The following DCUN1D3 variants were observed in gnomAD, a reference collection of about 807,000 sequenced individuals.
The protein encoded by DCUN1D3 is defective in cullin neddylation 1 domain containing 3, also known as DCN1-like protein 3.
DCUN1D3 carries 6 observed loss-of-function variants against 24.8 expected under a neutral mutation model. That is an observed-to-expected ratio of 0.24 (90% CI 0.13 to 0.48). The LOEUF is 0.48. Ranked by LOEUF, DCUN1D3 falls within the 20% of genes least tolerant of loss-of-function variation. DCUN1D3 has a pLI of 0.99. For synonymous variants in DCUN1D3, 120 were observed against 144.9 expected (o/e 0.83, Z 1.24); for missense variants, 258 against 379.4 (o/e 0.68, Z 2.66).
intron 1 of DCUN1D3, among the ~76,000 whole-genome samples, chr16:20,880,408 T>A (rs1340426841): frequency 6.6e-6 from 1 of 151,930 alleles, no homozygotes; most frequent in Non-Finnish European, 1.5e-5. Context: ...GAGACCAGCT[T>A]GGGCAACATA....
rs189390151 is a variant in DCUN1D3 at position 20,872,937 on chromosome 16, G to A, written c.-105-10294C>T. ...TCAAGACCAGCCTGGCCAACATGGTGAAACCCCGTCTCTACTAAAAATACA... is the reference window on the plus strand; with the variant it reads ...TCAAGACCAGCCTGGCCAACATGGTAAAACCCCGTCTCTACTAAAAATACA... On this transcript the variant is annotated intron_variant, in intron 1 of 2. Coordinates refer to ENST00000324344, the MANE Select transcript of DCUN1D3 (RefSeq NM_173475.4). Among the ~76,000 whole-genome samples the A allele has an allele frequency of 1.1e-4, 17 of 152,308 alleles. No individual in the cohort carries two copies. The East Asian group carries it at 3.1e-3, about 28-fold the overall frequency.
At chr16:20,888,527 C>T (rs1248727530) in intron 1 of DCUN1D3, among the ~76,000 whole-genome samples, 2 of 152,190 alleles carry the variant, frequency 1.3e-5, no homozygotes, top group African/African-American at 4.8e-5. Context: ...GACACGATCA[C>T]AGCTCACTAC....
chr16:20,885,010 T>C (rs2152518366), intron 1 of DCUN1D3, among the ~76,000 whole-genome samples: 1 of 146,556 alleles, frequency 6.8e-6, no homozygotes, highest in Middle Eastern at 3.5e-3. Flanking sequence ...GGAGTCTGGC[T>C]CTGTCACCAG....
At chr16:20,886,293 G>C (rs183812388) in intron 1 of DCUN1D3, among the ~76,000 whole-genome samples, 1 of 152,140 alleles carries the variant, frequency 6.6e-6, no homozygotes, top group Non-Finnish European at 1.5e-5. Flanking sequence ...TGAATAAGGT[G>C]TGGCGCTGCA....
At chr16:20,878,357 G>A (rs141281019) in intron 1 of DCUN1D3, among the ~76,000 whole-genome samples, 36 of 152,292 alleles carry the variant, frequency 2.4e-4, no homozygotes, top group African/African-American at 8.7e-4. Flanking sequence ...TGTTCAACCT[G>A]TCATGTCTCT....
chr16:20,873,923 C>A (rs2081801945), intron 1 of DCUN1D3, among the ~76,000 whole-genome samples: 2 of 152,162 alleles, frequency 1.3e-5, no homozygotes, highest in South Asian at 2.1e-4. Flanking sequence ...AATGAAATCA[C>A]CAAGTGGAAA....
At chr16:20,881,462 C>T (rs979017353) in intron 1 of DCUN1D3, among the ~76,000 whole-genome samples, 1 of 152,138 alleles carries the variant, frequency 6.6e-6, no homozygotes, top group Admixed American at 6.5e-5. Context: ...CTGATTTGCA[C>T]TATTTGTTTT....
chr16:20,868,977 A>T (rs1474610726), intron 1 of DCUN1D3: 1 of 152,852 alleles, frequency 6.5e-6, no homozygotes, highest in Non-Finnish European at 1.5e-5. Flanking sequence ...GTCTCAGCCC[A>T]GCTGCTCTGC....
rs1299758319 is a variant in DCUN1D3 at position 20,859,193 on chromosome 16, A to G, written c.*693T>C. ...CAACATGAAATGCAATAGGTCAAAGAAGGAATGAGCAAGAAGTGAGGGAAA... is the reference window on the plus strand; with the variant it reads ...CAACATGAAATGCAATAGGTCAAAGGAGGAATGAGCAAGAAGTGAGGGAAA... On this transcript the variant is annotated 3_prime_UTR_variant, in exon 3 of 3. Coordinates refer to ENST00000324344, the MANE Select transcript of DCUN1D3 (RefSeq NM_173475.4). The G allele has an allele frequency of 1.3e-5, 2 of 152,642 alleles. No homozygotes were observed. The highest frequency in any genetic ancestry group is 4.8e-5 in the African/African-American group (2 of 41,450). The allele number at this position is 152,642 out of a possible 1,614,324, so 9.5% of individuals were successfully genotyped here.
chr16:20,866,598 A>G (rs1196598982), intron 1 of DCUN1D3, among the ~76,000 whole-genome samples: 1 of 152,216 alleles, frequency 6.6e-6, no homozygotes, highest in East Asian at 1.9e-4. Context: ...TCTTTTGACT[A>G]CCTGACACAG....
intron 1 of DCUN1D3, among the ~76,000 whole-genome samples, chr16:20,892,536 TA>T (rs978257783): frequency 6.6e-6 from 1 of 152,248 alleles, no homozygotes; most frequent in African/African-American, 2.4e-5. Context: ...GCTTTACAGA[TA>T]TTTTTTAAAA....
Position 20,869,238 on chromosome 16 carries a change from G to A in DCUN1D3, c.-105-6595C>T, listed in dbSNP as rs532934518. Among the ~76,000 whole-genome samples the A allele has an allele frequency of 3.9e-3, 588 of 152,332 alleles. 1 individual carries two copies. Among genetic ancestry groups the A allele is most frequent in the Non-Finnish European group, 5.8e-3 (396 of 68,028 alleles). On this transcript the variant is annotated intron_variant, in intron 1 of 2. Transcript: ENST00000324344. ...AACCAGGCAAGTCCCTGTCTTCTAG[G>A]GGCTTACTCTCAACTGTGTCTTACA...
chr16:20,880,325 T>C (rs1596636221), intron 1 of DCUN1D3, among the ~76,000 whole-genome samples: 1 of 152,056 alleles, frequency 6.6e-6, no homozygotes, highest in African/African-American at 2.4e-5. Flanking sequence ...CTTGGCATAA[T>C]GCGAAGGCTC....
chr16:20,873,916 G>T (rs2081801891), intron 1 of DCUN1D3, among the ~76,000 whole-genome samples: 1 of 152,050 alleles, frequency 6.6e-6, no homozygotes, highest in South Asian at 2.1e-4. Flanking sequence ...ACCCAAAAAT[G>T]AAATCACCAA....
intron 1 of DCUN1D3, among the ~76,000 whole-genome samples, chr16:20,872,855 C>T (rs112904979): frequency 5.9e-5 from 9 of 152,252 alleles, no homozygotes; most frequent in African/African-American, 1.7e-4. Context: ...CAGTGGCTCA[C>T]GCCTGCAATC....
intron 1 of DCUN1D3, among the ~76,000 whole-genome samples, chr16:20,877,011 C>T (rs1021096375): frequency 1.3e-5 from 2 of 151,810 alleles, no homozygotes; most frequent in Non-Finnish European, 2.9e-5. Flanking sequence ...AGAAGTAAGA[C>T]CTAGCGTTGG....
intron 1 of DCUN1D3, among the ~76,000 whole-genome samples, chr16:20,894,184 G>A (rs1333142211): frequency 6.6e-6 from 1 of 152,112 alleles, no homozygotes; most frequent in Non-Finnish European, 1.5e-5. Context: ...CAGGAGGATC[G>A]CTTGAGCCTG....
At chr16:20,868,176 T>A (rs1472540898) in intron 1 of DCUN1D3, among the ~76,000 whole-genome samples, 1 of 152,196 alleles carries the variant, frequency 6.6e-6, no homozygotes, top group Admixed American at 6.5e-5. Context: ...CACTGCCACC[T>A]CTGAAGTGGA....
chr16:20,879,390 T>C (rs1240409387), intron 1 of DCUN1D3, among the ~76,000 whole-genome samples: 3 of 152,194 alleles, frequency 2.0e-5, no homozygotes, highest in Non-Finnish European at 2.9e-5. Flanking sequence ...CACAAATGAA[T>C]TGCAGCAACA....
Sources: allele counts gnomAD v4.1 joint callset (sites outside exome capture counted in the v4.1 genomes callset), GRCh38; gene constraint gnomAD v4.1.1; transcripts MANE v1.5; gene names NCBI Gene and HGNC (gene_info 2026-07-23, HGNC 2026-07-21).